L3HYPDH: variants seen among roughly 807,000 people sequenced by gnomAD.
L3HYPDH encodes the protein trans-3-hydroxy-L-proline dehydratase.
L3HYPDH carries 32 observed loss-of-function variants against 26.5 expected under a neutral mutation model. The observed-to-expected ratio is 1.21, with a 90% confidence interval of 0.91 to 1.62. The LOEUF is 1.62. L3HYPDH is among the 40% of genes most tolerant of loss of function. L3HYPDH has a pLI of 0.00. For synonymous variants in L3HYPDH, 215 were observed against 196.6 expected (o/e 1.09, Z -0.78); for missense variants, 554 against 476.4 (o/e 1.16, Z -1.52).
At chr14:59,477,502 T>C (rs1439440783) in intron 2 of L3HYPDH, among the ~76,000 whole-genome samples, 1 of 152,164 alleles carries the variant, frequency 6.6e-6, no homozygotes, top group African/African-American at 2.4e-5. Context: ...TCTTGTTGAG[T>C]TCAAACTCAA....
upstream of L3HYPDH, chr14:59,484,739 C>A: frequency 9.2e-7 from 1 of 1,087,920 alleles, no homozygotes; most frequent in Non-Finnish European, 1.3e-6. Flanking sequence ...TCGGGCCGGG[C>A]TCCGCACTCC....
At chr14:59,488,473 C>T (rs1381355110), upstream of L3HYPDH, among the ~76,000 whole-genome samples, 1 of 151,996 alleles carries the variant, frequency 6.6e-6, no homozygotes, top group Non-Finnish European at 1.5e-5. Context: ...AAAAAAGGAA[C>T]ATTTTAGGCA....
the L3HYPDH span, chr14:59,498,717 T>C: frequency 7.3e-7 from 1 of 1,369,046 alleles, no homozygotes; most frequent in Non-Finnish European, 1.0e-6. Context: ...TTCTTTATTT[T>C]ATTTTACAGA....
chr14:59,497,344 G>T, the L3HYPDH span, among the ~76,000 whole-genome samples: 1 of 152,156 alleles, frequency 6.6e-6, no homozygotes, highest in African/African-American at 2.4e-5. Flanking sequence ...CCCACATGTA[G>T]GCAGCATGGA....
chr14:59,467,988 T>G (rs148639016), downstream of L3HYPDH, among the ~76,000 whole-genome samples: 4 of 152,368 alleles, frequency 2.6e-5, no homozygotes, highest in Non-Finnish European at 5.9e-5. Context: ...TTTGGACTAC[T>G]GTTGTCACTG....
At chr14:59,499,760 A>C in the L3HYPDH span, among the ~76,000 whole-genome samples, 3 of 152,146 alleles carry the variant, frequency 2.0e-5, no homozygotes, top group Non-Finnish European at 4.4e-5. Context: ...TGAGGGTAAG[A>C]CCAAGGGAAC....
chr14:59,483,590 C>T (rs543382379), intron 1 of L3HYPDH: 1 of 1,430,526 alleles, frequency 7.0e-7, no homozygotes, highest in East Asian at 2.5e-5. Flanking sequence ...CAAGGGTCTC[C>T]CAAAACCACA....
chr14:59,484,244 T>G lies in L3HYPDH; in HGVS notation c.73A>C (p.Met25Leu), dbSNP rs1313839663. ...PGTPVLSVVD[M>L]HTGGEPLRIV... ...CGCAAGGGCTCGCCGCCCGTGTGCA[T>G]GTCCACCACCGACAGCACCGGCGTC... Residue 25 changes from methionine (M) to leucine (L), a missense_variant, in exon 1 of 5, where the codon ATG (methionine) becomes CTG (leucine). Transcript: ENST00000247194. The G allele has an allele frequency of 1.9e-6, 3 of 1,598,140 alleles. No individual in the cohort carries two copies. Among genetic ancestry groups the G allele is most frequent in the Admixed American group, 3.3e-5 (2 of 59,986 alleles).
intron 1 of L3HYPDH, among the ~76,000 whole-genome samples, chr14:59,480,978 G>T (rs1333424123): frequency 6.6e-6 from 1 of 152,158 alleles, no homozygotes; most frequent in African/African-American, 2.4e-5. Flanking sequence ...TCCCTTGATT[G>T]TAACAACTAA....
In L3HYPDH at chr14:59,478,936, C is replaced by G. The variant is rs114208635; in HGVS notation, c.678+246G>C. The G allele has an allele frequency of 2.8e-3, 1,053 of 369,622 alleles. 11 individuals carry two copies. The highest frequency in any genetic ancestry group is 0.02 in the African/African-American group (954 of 47,562). The allele number at this position is 369,622 out of a possible 1,614,324, so 22.9% of individuals were successfully genotyped here. On this transcript the variant is annotated intron_variant, in intron 2 of 4. Transcript: ENST00000247194. ...GCTAAAAAAAAATTGCAAAAAAACT[C>G]ATAATGTTTTAAGAAAGTTTACAAA...
chr14:59,492,377 G>A, the L3HYPDH span, among the ~76,000 whole-genome samples: 18 of 152,158 alleles, frequency 1.2e-4, no homozygotes, highest in African/African-American at 4.3e-4. Flanking sequence ...GTGCAAGAAG[G>A]TGAGATCCAT....
the L3HYPDH span, among the ~76,000 whole-genome samples, chr14:59,489,444 G>A: frequency 6.6e-6 from 1 of 152,204 alleles, no homozygotes; most frequent in East Asian, 1.9e-4. Flanking sequence ...TTAATTCCAT[G>A]TGAGACCTCA....
Position 59,483,827 on chromosome 14 carries a change from C to A in L3HYPDH, c.490G>T (p.Ala164Ser). The change falls in exon 1 of 5, where the codon GCC becomes TCC. Residue 164 changes from alanine (A) to serine (S), a missense_variant. Physicochemically the swap from Ala to Ser is moderately conservative, Grantham distance 99 (BLOSUM62 1). Transcript: ENST00000247194. ...CCATTACCTGTGGCCAGCACGAAGG[C>A]CGGGACGCTGTGGAAGCGCACCGGT... ...HGPVRFHSVP[A>S]FVLATDLMVD... is the part of the protein sequence containing the mutation. 1 of 1,592,036 alleles carries A rather than the reference C, an allele frequency of 6.3e-7. No homozygotes were observed. The highest frequency in any genetic ancestry group is 8.5e-7 in the Non-Finnish European group (1 of 1,176,472).
chr14:59,495,192 A>G, the L3HYPDH span: 1 of 1,613,212 alleles, frequency 6.2e-7, no homozygotes, highest in Non-Finnish European at 8.5e-7. Context: ...ACGTTACCAC[A>G]GTACACTGTA....
intron 1 of L3HYPDH, chr14:59,483,362 A>G: frequency 9.2e-6 from 2 of 217,162 alleles, no homozygotes; most frequent in Non-Finnish European, 1.7e-5. Flanking sequence ...GAAGTGGGGG[A>G]GGTGAGGAAA....
At chr14:59,494,910 C>G in the L3HYPDH span, 6 of 771,016 alleles carry the variant, frequency 7.8e-6, no homozygotes, top group Admixed American at 9.9e-5. Context: ...TAGTTTTTGA[C>G]TTTTCTTATA....
intron 2 of L3HYPDH, among the ~76,000 whole-genome samples, chr14:59,477,861 TCA>T (rs1889746562): frequency 6.6e-6 from 1 of 152,234 alleles, no homozygotes; most frequent in Non-Finnish European, 1.5e-5. Context: ...TAATAAATTC[TCA>T]CATACTAAAT....
chr14:59,504,551 T>G, the L3HYPDH span: 3 of 153,772 alleles, frequency 2.0e-5, no homozygotes, highest in African/African-American at 7.2e-5. Flanking sequence ...TATATTGTTT[T>G]TTGTTATCTA....
intron 2 of L3HYPDH, among the ~76,000 whole-genome samples, chr14:59,477,101 C>T (rs932425376): frequency 1.3e-5 from 2 of 152,156 alleles, no homozygotes; most frequent in African/African-American, 4.8e-5. Flanking sequence ...CAGATTGAAT[C>T]TTTGTTCTCC....
Sources: gnomAD v4.1 joint callset for allele counts (sites outside exome capture counted in the v4.1 genomes callset) on GRCh38, gnomAD v4.1.1 for gene constraint, MANE v1.5 for transcripts, NCBI Gene and HGNC (gene_info 2026-07-23, HGNC 2026-07-21) for gene names.